The following RBMS3 variants were observed in gnomAD, a reference collection of about 807,000 sequenced individuals.
RBMS3 encodes RNA binding motif single stranded interacting protein 3, also known as RNA-binding motif, single-stranded-interacting protein 3.
A neutral mutation model predicts 66.8 loss-of-function variants in RBMS3; 27 were observed. The observed-to-expected ratio is 0.40, with a 90% CI of 0.30 to 0.56. The LOEUF (loss-of-function observed/expected upper bound fraction) is 0.56, where lower values mean the gene tolerates loss of function less well. Among genes scored for constraint, RBMS3 ranks in the 20% least tolerant of loss-of-function variants. RBMS3 has a pLI of 0.40. For missense variants in RBMS3, 513 were observed against 549.5 expected, an observed-to-expected ratio of 0.93 and a Z score of 0.66; for synonymous variants, 188 against 183.0, an observed-to-expected ratio of 1.03 and a Z score of -0.22.
intron 2 of RBMS3, among the ~76,000 whole-genome samples, chr3:29,486,393 G>A (rs1019019955): frequency 6.6e-6 from 1 of 152,154 alleles, no homozygotes; most frequent in Non-Finnish European, 1.5e-5. Flanking sequence ...AGTACTCTGA[G>A]TTGTGTTCCA....
At chr3:29,674,890 T>C (rs143825162) in intron 4 of RBMS3, among the ~76,000 whole-genome samples, 5,499 of 152,170 alleles carry the variant, frequency 0.036, 324 homozygotes, top group African/African-American at 0.12. Flanking sequence ...CTTCACAGAA[T>C]TGGAAAAAAC....
chr3:29,630,588 C>CT (rs1423938806), intron 4 of RBMS3, among the ~76,000 whole-genome samples: 1 of 151,946 alleles, frequency 6.6e-6, no homozygotes, highest in Non-Finnish European at 1.5e-5. Context: ...TGAATCCTTT[C>CT]TGAATCATAT....
chr3:29,802,151 A>C (rs1280649847), intron 6 of RBMS3, among the ~76,000 whole-genome samples: 1 of 152,068 alleles, frequency 6.6e-6, no homozygotes, highest in African/African-American at 2.4e-5. Context: ...TACTGTTAAA[A>C]CCTGACAGCA....
intron 1 of RBMS3, among the ~76,000 whole-genome samples, chr3:29,394,496 T>C (rs1040091920): frequency 6.6e-6 from 1 of 152,152 alleles, no homozygotes; most frequent in Non-Finnish European, 1.5e-5. Context: ...AAGACAGGCA[T>C]AGGAAGTTAT....
chr3:29,963,950 T>C (rs1384939670), intron 12 of RBMS3, among the ~76,000 whole-genome samples: 1 of 152,204 alleles, frequency 6.6e-6, no homozygotes, highest in Non-Finnish European at 1.5e-5. Flanking sequence ...AAAACCTATT[T>C]AGCTTGGCTT....
At chr3:29,908,826 A>C (rs1041023509) in intron 10 of RBMS3, among the ~76,000 whole-genome samples, 1 of 152,178 alleles carries the variant, frequency 6.6e-6, no homozygotes, top group Non-Finnish European at 1.5e-5. Flanking sequence ...TGTCCTCAAG[A>C]CTTGAAATAT....
intron 4 of RBMS3, chr3:29,698,106 C>A: frequency 1.5e-6 from 1 of 674,730 alleles, no homozygotes; most frequent in Non-Finnish European, 1.8e-6. Context: ...TTTATGTGAG[C>A]TCCCTGAAGG....
chr3:29,848,645 C>A (rs1328614424), intron 6 of RBMS3, among the ~76,000 whole-genome samples: 1 of 152,220 alleles, frequency 6.6e-6, no homozygotes, highest in Non-Finnish European at 1.5e-5. Flanking sequence ...ATGGAAACTA[C>A]ATGGTGAGAA....
chr3:29,421,041 A>T (rs1355187667), intron 1 of RBMS3, among the ~76,000 whole-genome samples: 1 of 151,930 alleles, frequency 6.6e-6, no homozygotes, highest in Non-Finnish European at 1.5e-5. Flanking sequence ...TGAACCTGGA[A>T]GGCGGAGCTT....
intron 5 of RBMS3, among the ~76,000 whole-genome samples, chr3:29,754,918 T>C (rs2055338627): frequency 6.6e-6 from 1 of 152,172 alleles, no homozygotes; most frequent in South Asian, 2.1e-4. Context: ...CAGTCATGGC[T>C]ACTCAGGGGA....
Position 29,739,761 on chromosome 3 carries a change from C to T in RBMS3, c.441C>T (p.Leu147=). 1.5e-5 allele frequency: 24 copies of T among 1,612,426 alleles called. No homozygotes were observed. The highest frequency in any genetic ancestry group is 2.0e-5 in the Non-Finnish European group (24 of 1,179,288). Residue 147 remains leucine (L), a synonymous_variant, in exon 5 of 15, where the codon CTC becomes CTT. Transcript: ENST00000383767. ...QDPTNLYISN[L]PISMDEQELE... is the part of the protein sequence containing the mutation. ...CAACAAACCTATACATCTCAAATCT[C>T]CCCATTTCTATGGATGAGCAGGAGC...
intron 3 of RBMS3, among the ~76,000 whole-genome samples, chr3:29,536,363 A>AT (rs1031266175): frequency 2.6e-5 from 4 of 152,012 alleles, no homozygotes; most frequent in Non-Finnish European, 4.4e-5. Flanking sequence ...GCATGTATTA[A>AT]TTTTTTTTCA....
chr3:29,721,038 C>CA (rs1559604474), intron 4 of RBMS3, among the ~76,000 whole-genome samples: 1 of 152,114 alleles, frequency 6.6e-6, no homozygotes, highest in Non-Finnish European at 1.5e-5. Flanking sequence ...CTATGAATTT[C>CA]AAAAATATTT....
At chr3:29,876,747 A>T (rs938737169) in intron 7 of RBMS3, among the ~76,000 whole-genome samples, 2 of 151,988 alleles carry the variant, frequency 1.3e-5, no homozygotes, top group African/African-American at 4.8e-5. Flanking sequence ...CCAGCCAAAA[A>T]CCACCCCTGC....
chr3:29,361,088 T>C (rs923250436), intron 1 of RBMS3, among the ~76,000 whole-genome samples: 2 of 152,058 alleles, frequency 1.3e-5, no homozygotes, highest in African/African-American at 4.8e-5. Context: ...GATCCTGTCA[T>C]TATGATGTTA....
chr3:29,913,041 G>A (rs2149636279), intron 10 of RBMS3, among the ~76,000 whole-genome samples: 1 of 151,866 alleles, frequency 6.6e-6, no homozygotes, highest in African/African-American at 2.4e-5. Context: ...AATATTGAGG[G>A]CAGGCATAAG....
chr3:29,625,707 A>AGT, intron 4 of RBMS3, among the ~76,000 whole-genome samples: 1 of 145,610 alleles, frequency 6.9e-6, no homozygotes, highest in Admixed American at 6.7e-5. Flanking sequence ...AAAGTAAATA[A>AGT]ATAAATAAAT....
intron 1 of RBMS3, among the ~76,000 whole-genome samples, chr3:29,400,364 G>A (rs768983678): frequency 6.6e-6 from 1 of 152,026 alleles, no homozygotes; most frequent in Non-Finnish European, 1.5e-5. Flanking sequence ...GAGATGGCTA[G>A]AGTAGTCAAA....
At chr3:29,473,177 C>G (rs1424678900) in intron 2 of RBMS3, among the ~76,000 whole-genome samples, 2 of 148,592 alleles carry the variant, frequency 1.3e-5, no homozygotes, top group African/African-American at 2.5e-5. Flanking sequence ...CAAGTCCCCA[C>G]CAGAGTAGCT....
Sources: gnomAD v4.1 joint callset for allele counts (sites outside exome capture counted in the v4.1 genomes callset) on GRCh38, gnomAD v4.1.1 for gene constraint, MANE v1.5 for transcripts, NCBI Gene and HGNC (gene_info 2026-07-23, HGNC 2026-07-21) for gene names.